VKORC1L1: variants seen among roughly 807,000 people sequenced by gnomAD.
VKORC1L1 encodes the protein vitamin K epoxide reductase complex subunit 1L1, also known as vitamin K epoxide reductase complex subunit 1-like protein 1.
Under a neutral mutation model 18.9 loss-of-function variants are expected in VKORC1L1, and 2 were observed. That is an observed-to-expected ratio of 0.11 (90% CI 0.04 to 0.33). The LOEUF is 0.33. Among genes scored for constraint, VKORC1L1 ranks in the 10% least tolerant of loss-of-function variants. The pLI, the probability that VKORC1L1 is intolerant of heterozygous loss-of-function variation, is 1.00. For missense variants in VKORC1L1, 123 were observed against 224.1 expected (o/e 0.55, Z 2.88); for synonymous variants, 96 against 100.0 (o/e 0.96, Z 0.24).
In VKORC1L1 at chr7:65,945,438, C is replaced by T. The variant is rs534212675; in HGVS notation, c.195-3233C>T. ...CATCTTGGCTAACACGGTGAAACCC[C>T]ATCTCTACTAAAAATACAAAAAAAT... On this transcript the variant is annotated intron_variant, in intron 1 of 2. Transcript: ENST00000360768. Among the ~76,000 whole-genome samples, 22 of 152,086 alleles carry T rather than the reference C, an allele frequency of 1.4e-4. No individual in the cohort carries two copies. In the South Asian group the frequency reaches 3.7e-3, roughly 26 times the overall value.
chr7:65,875,638 C>T (rs1364990131), intron 1 of VKORC1L1, among the ~76,000 whole-genome samples: 5 of 151,920 alleles, frequency 3.3e-5, no homozygotes, highest in African/African-American at 7.2e-5. Context: ...AGGATGGTCT[C>T]GATCTCCTGA....
chr7:65,924,662 T>A (rs549772116), intron 1 of VKORC1L1, among the ~76,000 whole-genome samples: 1 of 152,338 alleles, frequency 6.6e-6, no homozygotes, highest in South Asian at 2.1e-4. Context: ...TATTCCTCAC[T>A]GGAACCACTG....
intron 1 of VKORC1L1, among the ~76,000 whole-genome samples, chr7:65,901,332 TGG>T (rs1789311917): frequency 6.6e-6 from 1 of 152,140 alleles, no homozygotes; most frequent in Non-Finnish European, 1.5e-5. Context: ...CACTCCAGCC[TGG>T]GTGAGAGTGA....
chr7:65,900,252 TG>T (rs1458687593), intron 1 of VKORC1L1, among the ~76,000 whole-genome samples: 1 of 151,420 alleles, frequency 6.6e-6, no homozygotes, highest in Admixed American at 6.6e-5. Flanking sequence ...TAGCCAGGCG[TG>T]GTGGCGGGCA....
chr7:65,929,338 G>A lies in VKORC1L1; in HGVS notation c.195-19333G>A, dbSNP rs1789818028. On this transcript the variant is annotated intron_variant, in intron 1 of 2. Coordinates refer to ENST00000360768, the MANE Select transcript of VKORC1L1 (RefSeq NM_173517.6). ...GAGGTGGGAGAATAGCTTGAACCCT[G>A]GAGGCAGAGGTTGCAGTGAGCCGAG... 2.0e-5 allele frequency among the ~76,000 whole-genome samples: 3 copies of A among 152,112 alleles called. No homozygotes were observed. The South Asian group carries it at 6.2e-4, about 32-fold the overall frequency.
rs1270473590 is a variant in VKORC1L1 at position 65,887,229 on chromosome 7, T to G, written c.194+13664T>G. 2.6e-5 allele frequency among the ~76,000 whole-genome samples: 4 copies of G among 152,266 alleles called. No homozygotes were observed. In the East Asian group the frequency reaches 7.7e-4, roughly 29 times the overall value. ...ACTTTTGCCATATGCTTGTATCATC[T>G]GTACTGTTAATTCATAACAGTTTTC... On this transcript the variant is annotated intron_variant, in intron 1 of 2. Coordinates refer to ENST00000360768, the MANE Select transcript of VKORC1L1 (RefSeq NM_173517.6).
At chr7:65,918,489 C>T (rs1789624344) in intron 1 of VKORC1L1, among the ~76,000 whole-genome samples, 1 of 152,194 alleles carries the variant, frequency 6.6e-6, no homozygotes, top group South Asian at 2.1e-4. Flanking sequence ...TGTCCAAAGA[C>T]ATAGCTTTCT....
At chr7:65,938,005 C>T (rs1024302901) in intron 1 of VKORC1L1, among the ~76,000 whole-genome samples, 104 of 150,900 alleles carry the variant, frequency 6.9e-4, no homozygotes, top group Non-Finnish European at 8.4e-4. Context: ...GTCAGGAGTT[C>T]GAGACCATCC....
At chr7:65,935,409 A>G (rs1789926815) in intron 1 of VKORC1L1, among the ~76,000 whole-genome samples, 1 of 151,936 alleles carries the variant, frequency 6.6e-6, no homozygotes, top group Non-Finnish European at 1.5e-5. Flanking sequence ...TCCCAAGTTC[A>G]AGCGATTCTC....
chr7:65,907,988 C>A (rs1789433765), intron 1 of VKORC1L1, among the ~76,000 whole-genome samples: 1 of 152,020 alleles, frequency 6.6e-6, no homozygotes, highest in Non-Finnish European at 1.5e-5. Flanking sequence ...ACTGGGAAAA[C>A]AAGCAAGCAG....
intron 1 of VKORC1L1, among the ~76,000 whole-genome samples, chr7:65,875,410 T>C (rs1410331665): frequency 6.6e-6 from 1 of 152,118 alleles, no homozygotes; most frequent in Non-Finnish European, 1.5e-5. Context: ...TTTGTCAAGC[T>C]GAAAGACACT....
chr7:65,930,858 A>G (rs1789846506), intron 1 of VKORC1L1, among the ~76,000 whole-genome samples: 1 of 152,166 alleles, frequency 6.6e-6, no homozygotes, highest in Admixed American at 6.5e-5. Flanking sequence ...TGTTAACTGT[A>G]GGAGTATTTT....
intron 1 of VKORC1L1, 73 bp downstream of exon 1, chr7:65,873,638 C>G (rs1788770913): frequency 1.8e-6 from 2 of 1,106,574 alleles, no homozygotes. Context: ...GGGGAGCGCG[C>G]GGCGGGAGCT....
In VKORC1L1 at chr7:65,954,129, G is replaced by A. The variant is rs755246691; in HGVS notation, c.360G>A (p.Ser120=). The A allele has an allele frequency of 5.5e-5, 89 of 1,609,432 alleles. No homozygotes were observed. Among genetic ancestry groups the A allele is most frequent in the Middle Eastern group, 3.3e-4 (2 of 6,048 alleles). ...ALILMTSSIM[S]VVGSLYLAYI... The stretch of plus-strand genomic sequence containing the variant: ...TCCTCATGACGTCCTCCATCATGTC[G>A]GTCGTGGGGTCCCTGTACCTGGCCT... Residue 120 remains serine (S), a synonymous_variant, in exon 3 of 3, where the codon TCG becomes TCA. Transcript: ENST00000360768.
rs553793223 is a variant in VKORC1L1 at position 65,954,391 on chromosome 7, T to TTAC, written c.*92_*93insACT. 4.8e-5 allele frequency: 70 copies of TTAC among 1,461,428 alleles called. No individual in the cohort carries two copies. The East Asian group carries it at 1.6e-3, about 33-fold the overall frequency. The allele number at this position is 1,461,428 out of a possible 1,614,324, so 90.5% of individuals were successfully genotyped here. ...TTTATTATTATTATTATTATTATTATTCACAACAGACACTTTCCCTAAGAA... is the reference window on the plus strand; with the variant it reads ...TTTATTATTATTATTATTATTATTATTACTCACAACAGACACTTTCCCTAAGAA... On this transcript the variant is annotated 3_prime_UTR_variant, in exon 3 of 3. Coordinates refer to ENST00000360768, the MANE Select transcript of VKORC1L1 (RefSeq NM_173517.6).
At chr7:65,867,238 A>G in the VKORC1L1 span, among the ~76,000 whole-genome samples, 1 of 151,974 alleles carries the variant, frequency 6.6e-6, no homozygotes, top group African/African-American at 2.4e-5. Context: ...GAAGAAGAAG[A>G]AGAAATGGTC....
At chr7:65,920,138 G>A (rs1221719172) in intron 1 of VKORC1L1, among the ~76,000 whole-genome samples, 1 of 151,940 alleles carries the variant, frequency 6.6e-6, no homozygotes, top group African/African-American at 2.4e-5. Flanking sequence ...TCTCACCTCA[G>A]CGAGGCCTCC....
In VKORC1L1 at chr7:65,884,192, G is replaced by C. The variant is rs192378933; in HGVS notation, c.194+10627G>C. Among the ~76,000 whole-genome samples, 19 of 152,290 alleles carry C rather than the reference G, an allele frequency of 1.2e-4. No homozygotes were observed. The East Asian group carries it at 2.9e-3, about 23-fold the overall frequency. ...CTTCTTCCTCCATAAAATGAGGGTA[G>C]TAATAGTGTTAACTCATAGGATTAT... is the stretch of plus-strand genomic sequence containing the variant. On this transcript the variant is annotated intron_variant, in intron 1 of 2. Coordinates refer to ENST00000360768, the MANE Select transcript of VKORC1L1 (RefSeq NM_173517.6).
At position 65,878,070 on chromosome 7, in the gene VKORC1L1, G is replaced by A. The variant is rs1038804448; in HGVS notation, c.194+4505G>A. Among the ~76,000 whole-genome samples the A allele has an allele frequency of 3.3e-5, 5 of 151,928 alleles. No individual in the cohort carries two copies. In the East Asian group the frequency reaches 7.7e-4, roughly 23 times the overall value. On this transcript the variant is annotated intron_variant, in intron 1 of 2. Transcript: ENST00000360768. Reference sequence around the variant, plus strand: ...AAGTTGCCTTATTTTACAAAATGTCGGATTACTACCTCTCCCATATCTTAA... The same window carrying A: ...AAGTTGCCTTATTTTACAAAATGTCAGATTACTACCTCTCCCATATCTTAA...
Sources: allele counts gnomAD v4.1 joint callset (sites outside exome capture counted in the v4.1 genomes callset), GRCh38; gene constraint gnomAD v4.1.1; transcripts MANE v1.5; gene names NCBI Gene and HGNC (gene_info 2026-07-23, HGNC 2026-07-21).